Variants in DGKB observed in about 807,000 individuals in gnomAD.
The protein encoded by DGKB is diacylglycerol kinase beta.
Under a neutral mutation model 114.3 loss-of-function variants are expected in DGKB, and 67 were observed. The observed-to-expected ratio is 0.59, with a 90% CI of 0.48 to 0.72. DGKB has a LOEUF of 0.72. Among genes scored for constraint, DGKB ranks in the 30% least tolerant of loss-of-function variants. The pLI is 0.00. For synonymous variants in DGKB, 398 were observed against 323.1 expected, an observed-to-expected ratio of 1.23 and a Z score of -2.49; for missense variants, 907 against 975.2, an observed-to-expected ratio of 0.93 and a Z score of 0.93.
At chr7:14,223,415 C>T (rs1020131649) in intron 23 of DGKB, among the ~76,000 whole-genome samples, 7 of 151,640 alleles carry the variant, frequency 4.6e-5, no homozygotes, top group Non-Finnish European at 1.0e-4. Flanking sequence ...AACTTCCTTT[C>T]TGAATTTTTA....
At chr7:14,265,600 T>C (rs574900071) in intron 23 of DGKB, among the ~76,000 whole-genome samples, 3 of 152,216 alleles carry the variant, frequency 2.0e-5, no homozygotes, top group African/African-American at 7.2e-5. Flanking sequence ...ATATATTCCA[T>C]AGTATCTCAT....
At chr7:14,853,336 C>G (rs1218611023) in intron 1 of DGKB, among the ~76,000 whole-genome samples, 2 of 151,932 alleles carry the variant, frequency 1.3e-5, no homozygotes, top group African/African-American at 2.4e-5. Context: ...TGCCTTATAC[C>G]TTTCATGTAC....
At chr7:14,235,546 G>C (rs1403679129) in intron 23 of DGKB, among the ~76,000 whole-genome samples, 1 of 152,034 alleles carries the variant, frequency 6.6e-6, no homozygotes, top group African/African-American at 2.4e-5. Context: ...GACCATTACT[G>C]TTTTGAAAAT....
chr7:14,374,813 C>T (rs1185883016), intron 21 of DGKB, among the ~76,000 whole-genome samples: 1 of 152,096 alleles, frequency 6.6e-6, no homozygotes, highest in East Asian at 1.9e-4. Flanking sequence ...GTATCCCTGG[C>T]CTCTATCAAC....
At chr7:14,371,263 G>C (rs1383477915) in intron 21 of DGKB, among the ~76,000 whole-genome samples, 1 of 152,154 alleles carries the variant, frequency 6.6e-6, no homozygotes, top group African/African-American at 2.4e-5. Flanking sequence ...CACAGTGGAT[G>C]AACTAATTTA....
intron 21 of DGKB, among the ~76,000 whole-genome samples, chr7:14,361,110 C>G (rs1045245095): frequency 2.0e-5 from 3 of 152,044 alleles, no homozygotes; most frequent in Non-Finnish European, 2.9e-5. Context: ...TTTCTATTCT[C>G]TGAAAATTAG....
intron 21 of DGKB, among the ~76,000 whole-genome samples, chr7:14,370,334 T>C (rs1052840597): frequency 1.3e-5 from 2 of 152,060 alleles, no homozygotes; most frequent in African/African-American, 4.8e-5. Context: ...TGTAGCCTTG[T>C]AGTATAGTTT....
In DGKB at chr7:14,621,420, C is replaced by A. The variant is rs866051062; in HGVS notation, c.1242G>T (p.Met414Ile). 4 of 1,611,114 alleles carry A rather than the reference C, an allele frequency of 2.5e-6. No homozygotes were observed. Among genetic ancestry groups the A allele is most frequent in the Non-Finnish European group, 2.5e-6 (3 of 1,178,482 alleles). The change falls in exon 15 of 26, where the codon ATG (methionine) becomes ATT (isoleucine). Residue 414 changes from methionine to isoleucine, a missense_variant. Around this residue, in one of 3 missense-constraint regions of DGKB, gnomAD observed 814 missense variants for 856.6 expected, o/e 0.95. Transcript: ENST00000402815. ...CTACAGTAACAGAGTTGGCTCTTTG[C>A]ATTTTATTCTTGTCAATCACTTTGT... ...QPNKVIDKNK[M>I]QRANSVTVDG...
chr7:14,877,263 A>G (rs956546493), intron 1 of DGKB, among the ~76,000 whole-genome samples: 3 of 152,164 alleles, frequency 2.0e-5, no homozygotes, highest in Admixed American at 6.6e-5. Context: ...TATCCTTTTG[A>G]AAAATTTTAT....
intron 2 of DGKB, among the ~76,000 whole-genome samples, chr7:14,821,926 T>G (rs1844997729): frequency 6.6e-6 from 1 of 152,122 alleles, no homozygotes; most frequent in African/African-American, 2.4e-5. Context: ...TTTAGATAGT[T>G]GACCTGCTGG....
intron 23 of DGKB, among the ~76,000 whole-genome samples, chr7:14,286,256 C>T (rs10950517): frequency 0.81 from 122,387 of 151,954 alleles, 49,499 homozygotes; most frequent in South Asian, 0.92. Flanking sequence ...ACTTCCTATC[C>T]GTCTGAAAAA....
intron 23 of DGKB, among the ~76,000 whole-genome samples, chr7:14,210,636 T>G (rs1435040819): frequency 3.9e-5 from 6 of 152,142 alleles, no homozygotes; most frequent in African/African-American, 1.4e-4. Context: ...CATCAGTCCA[T>G]TAGTCTCCGC....
chr7:14,454,437 A>G (rs1030862335), intron 21 of DGKB, among the ~76,000 whole-genome samples: 1 of 152,080 alleles, frequency 6.6e-6, no homozygotes, highest in Non-Finnish European at 1.5e-5. Flanking sequence ...ACAAACATTC[A>G]TGTTCAATAG....
At chr7:14,905,141 C>T (rs1037275100), upstream of DGKB, among the ~76,000 whole-genome samples, 8 of 151,328 alleles carry the variant, frequency 5.3e-5, no homozygotes, top group Non-Finnish European at 1.0e-4. Context: ...TAGCTATCTT[C>T]ATTATAAATA....
intron 1 of DGKB, among the ~76,000 whole-genome samples, chr7:14,932,765 G>A (rs982392251): frequency 2.6e-5 from 4 of 152,116 alleles, no homozygotes; most frequent in African/African-American, 2.4e-5. Context: ...AGTATCATAA[G>A]GGTCACCAGA....
At chr7:14,963,237 T>A (rs1049050342) in intron 1 of DGKB, among the ~76,000 whole-genome samples, 2 of 152,112 alleles carry the variant, frequency 1.3e-5, no homozygotes, top group African/African-American at 4.8e-5. Flanking sequence ...GAGAACCTTA[T>A]ATAAAACTAA....
At chr7:14,463,377 G>C (rs1466524664) in intron 21 of DGKB, among the ~76,000 whole-genome samples, 3 of 152,124 alleles carry the variant, frequency 2.0e-5, no homozygotes. Flanking sequence ...ATGTACCCCA[G>C]ATTGGCTCCA....
intron 23 of DGKB, among the ~76,000 whole-genome samples, chr7:14,190,099 T>C (rs569483804): frequency 2.0e-5 from 3 of 152,268 alleles, no homozygotes; most frequent in African/African-American, 7.2e-5. Context: ...AGAATACATA[T>C]TCTTTTCGGT....
intron 21 of DGKB, among the ~76,000 whole-genome samples, chr7:14,401,519 C>T (rs1254426142): frequency 6.6e-6 from 1 of 151,802 alleles, no homozygotes; most frequent in African/African-American, 2.4e-5. Flanking sequence ...TTGTCATTGT[C>T]TCATCAATGT....
Sources: gnomAD v4.1 joint callset for allele counts (sites outside exome capture counted in the v4.1 genomes callset) on GRCh38, gnomAD v4.1.1 for gene constraint, gnomAD v4.1.1 regional missense constraint, MANE v1.5 for transcripts, NCBI Gene and HGNC (gene_info 2026-07-23, HGNC 2026-07-21) for gene names.